The following LNX1 variants were observed in gnomAD, a reference collection of about 807,000 sequenced individuals.
LNX1 encodes the protein ligand of numb-protein X 1, also known as E3 ubiquitin-protein ligase LNX.
A neutral mutation model predicts 68.4 loss-of-function variants in LNX1; 54 were observed. The observed-to-expected ratio is 0.79, with a 90% confidence interval of 0.63 to 0.99. LNX1 has a LOEUF of 0.99. Among genes scored for constraint, LNX1 ranks in the 50% least tolerant of loss-of-function variants. The pLI is 0.00. For missense variants in LNX1, 906 were observed against 926.4 expected (o/e 0.98, Z 0.29); for synonymous variants, 336 against 350.0 (o/e 0.96, Z 0.45).
intron 6 of LNX1, among the ~76,000 whole-genome samples, chr4:53,485,303 G>A (rs1724210031): frequency 2.0e-5 from 3 of 152,174 alleles, no homozygotes; most frequent in African/African-American, 4.8e-5. Context: ...GTGTCCATAG[G>A]CTTGCAAATT....
At chr4:53,554,544 G>A (rs181457328) in intron 2 of LNX1, among the ~76,000 whole-genome samples, 7 of 152,300 alleles carry the variant, frequency 4.6e-5, no homozygotes, top group African/African-American at 7.2e-5. Flanking sequence ...TGTTATGCCC[G>A]AATGATACAT....
Position 53,497,167 on chromosome 4 carries a change from G to A in LNX1, c.979-773C>T, listed in dbSNP as rs539653064. Among the ~76,000 whole-genome samples, 3 of 152,252 alleles carry A rather than the reference G, an allele frequency of 2.0e-5. No individual in the cohort carries two copies. In the South Asian group the frequency reaches 6.2e-4, roughly 32 times the overall value. ...GCTTAAGCTCGGCCCTCTCATTTGT[G>A]CCTCACTAATGATGTGTAGGGCTGA... On this transcript the variant is annotated intron_variant, in intron 5 of 10. Transcript: ENST00000263925.
chr4:53,573,587 G>C, intron 2 of LNX1, 36 bp downstream of exon 2: 1 of 1,479,452 alleles, frequency 6.8e-7, no homozygotes, highest in Non-Finnish European at 9.3e-7. Context: ...TCCCGCTTGG[G>C]GGTGGGACTT....
chr4:53,554,238 C>T (rs1340486389), intron 2 of LNX1, among the ~76,000 whole-genome samples: 1 of 152,206 alleles, frequency 6.6e-6, no homozygotes, highest in East Asian at 1.9e-4. Context: ...GACTCTCTCC[C>T]CTATATGTAA....
At chr4:53,550,177 T>G (rs1729405774) in intron 2 of LNX1, among the ~76,000 whole-genome samples, 1 of 152,232 alleles carries the variant, frequency 6.6e-6, no homozygotes, top group African/African-American at 2.4e-5. Flanking sequence ...ATGAGGGCCA[T>G]GCGGCTTCAA....
At chr4:53,607,553 T>C (rs549864649) in intron 2 of LNX1, among the ~76,000 whole-genome samples, 1 of 152,300 alleles carries the variant, frequency 6.6e-6, no homozygotes, top group Non-Finnish European at 1.5e-5. Context: ...AGTTTACAGA[T>C]TCAATGTTAT....
At chr4:53,593,269 G>T (rs2109824849), upstream of LNX1, among the ~76,000 whole-genome samples, 1 of 152,342 alleles carries the variant, frequency 6.6e-6, no homozygotes, top group Admixed American at 6.5e-5. Flanking sequence ...CCGCCAACCT[G>T]ATGAATCATC....
intron 2 of LNX1, among the ~76,000 whole-genome samples, chr4:53,613,864 G>C (rs1288294375): frequency 1.3e-5 from 2 of 152,110 alleles, no homozygotes; most frequent in East Asian, 3.9e-4. Flanking sequence ...TCTGTCTCTA[G>C]GTCTTTGAGC....
At chr4:53,498,976 C>T (rs1725279171) in intron 4 of LNX1, 133 bp from the exon 5 acceptor site, 1 of 695,884 alleles carries the variant, frequency 1.4e-6, no homozygotes, top group African/African-American at 1.8e-5. Context: ...ATTTTCCTGC[C>T]TCTGTGTCAA....
At chr4:53,482,659 G>A (rs1465157138) in intron 6 of LNX1, among the ~76,000 whole-genome samples, 4 of 152,170 alleles carry the variant, frequency 2.6e-5, no homozygotes, top group Non-Finnish European at 5.9e-5. Flanking sequence ...TAGCTCTGGA[G>A]ATGCAGAGGC....
intron 1 of LNX1, among the ~76,000 whole-genome samples, chr4:53,641,974 C>A (rs1734702666): frequency 6.6e-6 from 1 of 152,026 alleles, no homozygotes; most frequent in Non-Finnish European, 1.5e-5. Flanking sequence ...ACCAAGAAAC[C>A]TGCCATGAAA....
At chr4:53,610,138 G>A (rs62325485) in intron 2 of LNX1, among the ~76,000 whole-genome samples, 24 of 151,972 alleles carry the variant, frequency 1.6e-4, no homozygotes, top group African/African-American at 5.8e-4. Flanking sequence ...TCATATGTCC[G>A]CAGAACATTT....
chr4:53,547,986 T>C (rs1729223830), intron 2 of LNX1, among the ~76,000 whole-genome samples: 1 of 152,040 alleles, frequency 6.6e-6, no homozygotes, highest in African/African-American at 2.4e-5. Context: ...ATTCTGAACA[T>C]TTCAAGTTTC....
chr4:53,570,427 T>C (rs10000315), intron 2 of LNX1, among the ~76,000 whole-genome samples: 142,167 of 143,106 alleles, frequency 0.99, 70,622 homozygotes, highest in Middle Eastern at 1. Context: ...AAAAACCAAA[T>C]ACCGCATATT....
At chr4:53,478,820 G>A in intron 7 of LNX1, 78 bp from the exon 8 acceptor site, 2 of 1,409,894 alleles carry the variant, frequency 1.4e-6, no homozygotes, top group Non-Finnish European at 1.9e-6. Context: ...TGCAAAGTGG[G>A]TTTCCATTTT....
chr4:53,568,854 C>T (rs1401225592), intron 2 of LNX1, among the ~76,000 whole-genome samples: 1,571 of 151,932 alleles, frequency 0.01, 24 homozygotes, highest in African/African-American at 0.035. Context: ...CACAAGCATT[C>T]TTATACACCA....
intron 2 of LNX1, among the ~76,000 whole-genome samples, chr4:53,521,398 C>A (rs1727206559): frequency 6.6e-6 from 1 of 152,154 alleles, no homozygotes; most frequent in South Asian, 2.1e-4. Context: ...TCAGAATAAC[C>A]AAGATATCTC....
intron 2 of LNX1, among the ~76,000 whole-genome samples, chr4:53,564,241 G>C (rs1043334261): frequency 6.6e-6 from 1 of 152,226 alleles, no homozygotes; most frequent in Admixed American, 6.5e-5. Context: ...AAGGGTGAAT[G>C]AAATTCCCAG....
chr4:53,573,734 G>C lies in LNX1; in HGVS notation c.269C>G (p.Ser90Cys), dbSNP rs1444224984. The change falls in exon 2 of 11, where the codon TCC becomes TGC. Residue 90 changes from serine (S) to cysteine (C), a missense_variant. By Grantham distance (112) the Ser-to-Cys change is moderately radical. Coordinates refer to ENST00000263925, the MANE Select transcript of LNX1 (RefSeq NM_001126328.3). ...GAGGAGTTTGTTGACCAGGATGCTG[G>C]ACTTCTTGCAGTGCTGCAGAACCAG... ...KPLVLQHCKKSSILVNKLLNK... is the reference protein window; with the variant it reads ...KPLVLQHCKKCSILVNKLLNK... The C allele has an allele frequency of 6.2e-7, 1 of 1,611,390 alleles. No individual in the cohort carries two copies. The highest frequency in any genetic ancestry group is 1.3e-5 in the African/African-American group (1 of 74,878).
Sources: allele counts gnomAD v4.1 joint callset (sites outside exome capture counted in the v4.1 genomes callset), GRCh38; gene constraint gnomAD v4.1.1; transcripts MANE v1.5; gene names NCBI Gene and HGNC (gene_info 2026-07-23, HGNC 2026-07-21).